CIMAP1D: variants seen among roughly 807,000 people sequenced by gnomAD.
CIMAP1D encodes CIMAP1 family member D.
At chr19:481,222 G>GGGGAAGGATGAT in the CIMAP1D span, among the ~76,000 whole-genome samples, 4 of 105,364 alleles carry the variant, frequency 3.8e-5, no homozygotes, top group African/African-American at 9.3e-5. Flanking sequence ...GAAGGATGAT[G>GGGGAAGGATGAT]GGGAAGGATG....
chr19:474,257 G>GC, the CIMAP1D span, among the ~76,000 whole-genome samples: 1 of 152,116 alleles, frequency 6.6e-6, no homozygotes, highest in Non-Finnish European at 1.5e-5. Context: ...CCGCACACGC[G>GC]CCCCTCGCCC....
chr19:473,983 G>A, the CIMAP1D span, among the ~76,000 whole-genome samples: 2 of 150,386 alleles, frequency 1.3e-5, no homozygotes, highest in Non-Finnish European at 3.0e-5. Context: ...GTCACAGATG[G>A]GGAAACTGAG....
the CIMAP1D span, among the ~76,000 whole-genome samples, chr19:484,810 C>T: frequency 2.6e-5 from 4 of 152,082 alleles, no homozygotes; most frequent in East Asian, 3.9e-4. Flanking sequence ...CCTGAGGACA[C>T]GGAGAGGACA....
chr19:466,537 T>C, the CIMAP1D span, among the ~76,000 whole-genome samples: 3 of 146,118 alleles, frequency 2.1e-5, no homozygotes, highest in Non-Finnish European at 3.0e-5. Context: ...GATGGATGAG[T>C]TGGTGGGTGG....
chr19:467,741 G>A, the CIMAP1D span: 19 of 1,606,290 alleles, frequency 1.2e-5, no homozygotes, highest in Middle Eastern at 2.0e-4. Context: ...GATGGGGCCC[G>A]GGCTGGTGTC....
chr19:466,445 C>T, the CIMAP1D span, among the ~76,000 whole-genome samples: 1 of 73,766 alleles, frequency 1.4e-5, no homozygotes, highest in African/African-American at 5.5e-5. Context: ...GGATAGATGG[C>T]TGGATGGGTG....
the CIMAP1D span, among the ~76,000 whole-genome samples, chr19:469,173 A>C: frequency 6.6e-6 from 1 of 151,434 alleles, no homozygotes; most frequent in Non-Finnish European, 1.5e-5. Flanking sequence ...CCCCTTCCCC[A>C]GGCCCTGGGC....
chr19:489,768 A>C, the CIMAP1D span: 1 of 343,542 alleles, frequency 2.9e-6, no homozygotes. Context: ...CCCGTTAGGA[A>C]CTGCAGGGAC....
At chr19:468,148 T>C in the CIMAP1D span, among the ~76,000 whole-genome samples, 3 of 152,104 alleles carry the variant, frequency 2.0e-5, no homozygotes, top group African/African-American at 7.2e-5. Flanking sequence ...GGAGGGTCAC[T>C]TGAGCTCAGG....
chr19:463,938 G>A, the CIMAP1D span: 1 of 1,611,534 alleles, frequency 6.2e-7, no homozygotes, highest in South Asian at 1.1e-5. Flanking sequence ...GATGCCCATA[G>A]AGAACGCTGG....
the CIMAP1D span, among the ~76,000 whole-genome samples, chr19:466,794 T>C: frequency 5.5e-5 from 5 of 90,620 alleles, no homozygotes; most frequent in Non-Finnish European, 1.0e-4. Flanking sequence ...GATGGATGGG[T>C]AGATGGTTGG....
the CIMAP1D span, among the ~76,000 whole-genome samples, chr19:481,476 G>GGAAGGATGATGGA: frequency 0.068 from 6,037 of 88,222 alleles, 1,382 homozygotes; most frequent in African/African-American, 0.28. Context: ...AGGATGATGG[G>GGAAGGATGATGGA]GAAGGATGAT....
At chr19:468,990 C>T in the CIMAP1D span, among the ~76,000 whole-genome samples, 8 of 151,892 alleles carry the variant, frequency 5.3e-5, no homozygotes, top group Admixed American at 2.6e-4. Context: ...GTCCGTGGCA[C>T]GCAGTGTGGC....
At chr19:480,572 C>G in the CIMAP1D span, among the ~76,000 whole-genome samples, 3,444 of 97,228 alleles carry the variant, frequency 0.035, 794 homozygotes, top group African/African-American at 0.18. Context: ...TGATGGAGAA[C>G]GATGATGGAG....
chr19:477,529 C>T, the CIMAP1D span, among the ~76,000 whole-genome samples: 1 of 150,646 alleles, frequency 6.6e-6, no homozygotes, highest in African/African-American at 2.5e-5. Flanking sequence ...GGTTGCACCA[C>T]TGAGCCAGGA....
At chr19:481,770 C>CTT in the CIMAP1D span, among the ~76,000 whole-genome samples, 2,251 of 106,704 alleles carry the variant, frequency 0.021, 74 homozygotes, top group African/African-American at 0.061. Flanking sequence ...GAACCTCCTA[C>CTT]TTTTTTTTTT....
the CIMAP1D span, among the ~76,000 whole-genome samples, chr19:465,611 C>T: frequency 1.2e-3 from 26 of 21,364 alleles, no homozygotes; most frequent in South Asian, 0.018. Context: ...GGGTGCAGGT[C>T]GGTGTGTGGA....
the CIMAP1D span, chr19:467,626 G>A: frequency 5.6e-5 from 84 of 1,495,314 alleles, no homozygotes; most frequent in Non-Finnish European, 7.4e-5. Flanking sequence ...GTCCTTGTGC[G>A]GCTGCTTGGC....
the CIMAP1D span, among the ~76,000 whole-genome samples, chr19:466,793 G>A: frequency 0.84 from 75,520 of 90,156 alleles, 31,751 homozygotes; most frequent in East Asian, 0.98. Flanking sequence ...TGATGGATGG[G>A]TAGATGGTTG....
Sources: gnomAD v4.1 joint callset for allele counts (sites outside exome capture counted in the v4.1 genomes callset) on GRCh38, gnomAD v4.1.1 for gene constraint, MANE v1.5 for transcripts, NCBI Gene and HGNC (gene_info 2026-07-23, HGNC 2026-07-21) for gene names.